Variants in INTS15 observed in about 807,000 individuals in gnomAD.
INTS15 encodes integrator complex subunit 15, also known as uncharacterized protein C7orf26.
At chr7:6,604,129 G>A in the INTS15 span, among the ~76,000 whole-genome samples, 1 of 152,198 alleles carries the variant, frequency 6.6e-6, no homozygotes, top group African/African-American at 2.4e-5. Context: ...AGGCTGGAGT[G>A]CAGTGGCACG....
At chr7:6,600,269 G>C in the INTS15 span, 1 of 1,614,186 alleles carries the variant, frequency 6.2e-7, no homozygotes, top group African/African-American at 1.3e-5. Flanking sequence ...CCCCCTCAAC[G>C]CCTCCCAGGA....
At chr7:6,605,688 C>T in the INTS15 span, among the ~76,000 whole-genome samples, 1,447 of 152,098 alleles carry the variant, frequency 9.5e-3, 17 homozygotes, top group African/African-American at 0.02. Context: ...GCCTGGAATA[C>T]CTCCTACATT....
chr7:6,591,695 A>G, the INTS15 span: 1 of 1,614,184 alleles, frequency 6.2e-7, no homozygotes, highest in East Asian at 2.2e-5. Context: ...ATGTGCAATT[A>G]TTTCCAGGAG....
At chr7:6,604,565 G>A in the INTS15 span, among the ~76,000 whole-genome samples, 4 of 152,304 alleles carry the variant, frequency 2.6e-5, no homozygotes, top group East Asian at 7.7e-4. Context: ...GTGTTGGTGA[G>A]CAGTGTGGAC....
chr7:6,602,197 G>A, the INTS15 span: 7 of 1,457,834 alleles, frequency 4.8e-6, no homozygotes, highest in South Asian at 6.0e-5. Flanking sequence ...GTGGAGGGAG[G>A]CAAGACAGGG....
chr7:6,600,284 G>C, the INTS15 span: 2 of 1,614,118 alleles, frequency 1.2e-6, no homozygotes, highest in African/African-American at 2.7e-5. Context: ...CCAGGAGATT[G>C]AGCTCTCGCT....
At chr7:6,600,745 T>C in the INTS15 span, among the ~76,000 whole-genome samples, 2 of 150,248 alleles carry the variant, frequency 1.3e-5, no homozygotes, top group African/African-American at 4.9e-5. Flanking sequence ...GCAACCTCCA[T>C]CTCCTGGGTT....
chr7:6,606,686 C>G, the INTS15 span, among the ~76,000 whole-genome samples: 2 of 143,754 alleles, frequency 1.4e-5, no homozygotes, highest in African/African-American at 5.0e-5. Flanking sequence ...GGGAAGGGCC[C>G]CAGAGGGCCT....
chr7:6,600,267 A>G, the INTS15 span: 10 of 1,613,918 alleles, frequency 6.2e-6, no homozygotes, highest in Admixed American at 1.7e-5. Flanking sequence ...AACCCCCTCA[A>G]CGCCTCCCAG....
chr7:6,601,771 C>T, the INTS15 span, among the ~76,000 whole-genome samples: 3 of 151,956 alleles, frequency 2.0e-5, no homozygotes, highest in Non-Finnish European at 4.4e-5. Context: ...GTTCTCCTGC[C>T]TCAGCCGCCT....
At chr7:6,607,923 A>C in the INTS15 span, 1 of 1,595,466 alleles carries the variant, frequency 6.3e-7, no homozygotes, top group Non-Finnish European at 8.5e-7. The surrounding 1 kb of genome is among the most constrained non-coding windows in gnomAD (Gnocchi z 6.0). Flanking sequence ...GAGTCCCCGG[A>C]GCCCGCCCGC....
the INTS15 span, among the ~76,000 whole-genome samples, chr7:6,595,264 C>T: frequency 6.6e-6 from 1 of 152,060 alleles, no homozygotes; most frequent in Non-Finnish European, 1.5e-5. Context: ...ACCCTGAGCT[C>T]AAGCAATTCT....
chr7:6,598,787 A>ATAT, the INTS15 span, among the ~76,000 whole-genome samples: 1 of 70,668 alleles, frequency 1.4e-5, no homozygotes, highest in African/African-American at 4.9e-5. Context: ...GTGTGTGTGT[A>ATAT]TTTTTTTTTT....
At chr7:6,590,941 T>C in the INTS15 span, among the ~76,000 whole-genome samples, 1 of 151,304 alleles carries the variant, frequency 6.6e-6, no homozygotes, top group Non-Finnish European at 1.5e-5. Flanking sequence ...TGGGCTCAAG[T>C]AATCCTCCCG....
At chr7:6,600,142 C>T in the INTS15 span, 2 of 1,614,220 alleles carry the variant, frequency 1.2e-6, no homozygotes, top group Non-Finnish European at 1.7e-6. Context: ...TGCAAGTGCT[C>T]ATGACGCTGC....
chr7:6,608,527 T>A, the INTS15 span: 8 of 1,139,220 alleles, frequency 7.0e-6, no homozygotes, highest in Admixed American at 4.7e-5. Flanking sequence ...GTGAAGACGA[T>A]GTGTCCCCGC....
chr7:6,598,700 G>A, the INTS15 span, among the ~76,000 whole-genome samples: 70 of 150,416 alleles, frequency 4.7e-4, 2 homozygotes, highest in South Asian at 2.1e-3. Context: ...CTGATTAAAA[G>A]CCAGGCTGCT....
chr7:6,590,305 C>G, the INTS15 span: 2 of 1,583,634 alleles, frequency 1.3e-6, no homozygotes, highest in Admixed American at 1.7e-5. Flanking sequence ...CCGCCACTCG[C>G]TGCTGCGCCG....
the INTS15 span, chr7:6,602,542 C>G: frequency 7.4e-6 from 3 of 403,956 alleles, no homozygotes; most frequent in Non-Finnish European, 1.5e-5. Context: ...CGGCACGGAC[C>G]TGGGTTCTGG....
Sources: gnomAD v4.1 joint callset for allele counts (sites outside exome capture counted in the v4.1 genomes callset) on GRCh38, gnomAD v4.1.1 for gene constraint, Gnocchi (gnomAD v3.1) non-coding constraint, MANE v1.5 for transcripts, NCBI Gene and HGNC (gene_info 2026-07-23, HGNC 2026-07-21) for gene names.